SRGAP2: variants seen among roughly 807,000 people sequenced by gnomAD.
SRGAP2 encodes SLIT-ROBO Rho GTPase-activating protein 2.
A neutral mutation model predicts 57.2 loss-of-function variants in SRGAP2; 15 were observed. That is an observed-to-expected ratio of 0.26 (90% CI 0.18 to 0.40). The LOEUF is 0.40. Among genes scored for constraint, SRGAP2 ranks in the 10% least tolerant of loss-of-function variants. The pLI, the probability that SRGAP2 is intolerant of heterozygous loss-of-function variation, is 1.00. For missense variants in SRGAP2, 520 were observed against 669.6 expected, an observed-to-expected ratio of 0.78 and a Z score of 2.47; for synonymous variants, 249 against 248.0, an observed-to-expected ratio of 1.00 and a Z score of -0.04.
intron 4 of SRGAP2, among the ~76,000 whole-genome samples, chr1:206,366,459 C>T (rs1553341663): frequency 6.6e-6 from 1 of 151,966 alleles, no homozygotes; most frequent in African/African-American, 2.4e-5. Context: ...TGACCTGCAG[C>T]TCCACACATG....
intron 4 of SRGAP2, among the ~76,000 whole-genome samples, chr1:206,373,745 G>C (rs1553343200): frequency 1.0e-5 from 1 of 96,246 alleles, no homozygotes; most frequent in African/African-American, 4.2e-5. Flanking sequence ...AAAAAGAAGA[G>C]AGAGAGACAT....
chr1:206,226,758 G>T (rs537534208), intron 2 of SRGAP2, among the ~76,000 whole-genome samples: 67 of 152,290 alleles, frequency 4.4e-4, no homozygotes, highest in African/African-American at 1.5e-3. Flanking sequence ...AAGTATGTTT[G>T]TTAAAGTGAA....
intron 3 of SRGAP2, among the ~76,000 whole-genome samples, chr1:206,318,508 T>A (rs1461544025): frequency 6.6e-6 from 1 of 152,280 alleles, no homozygotes; most frequent in African/African-American, 2.4e-5. Context: ...CCTAGATACA[T>A]GTGCATACAA....
At chr1:206,249,594 G>A in intron 2 of SRGAP2, among the ~76,000 whole-genome samples, 1 of 148,142 alleles carries the variant, frequency 6.8e-6, no homozygotes, top group South Asian at 2.3e-4. Context: ...GGCCTGTCGG[G>A]GGGTGAGAGG....
chr1:206,207,622 C>T (rs1449631442), intron 2 of SRGAP2: 6 of 136,214 alleles, frequency 4.4e-5, no homozygotes, highest in African/African-American at 1.8e-4. Context: ...CCAGATATGT[C>T]TTTTTTTTTT....
Position 206,461,077 on chromosome 1 carries a change from G to A in SRGAP2, c.2873G>A (p.Arg958Gln), listed in dbSNP as rs781874765. ...ATGAACTCGGCCCTGAATGAGCTAC[G>A]GGAACTAGAACGGCAGAGCAGTGTC... The part of the protein sequence containing the change: ...ATMNSALNEL[R>Q]ELERQSSVKH... The change falls in exon 23 of 23, where the codon CGG becomes CAG. Residue 958 changes from arginine (R) to glutamine (Q), a missense_variant. Around this residue, in one of 5 missense-constraint regions of SRGAP2, gnomAD observed 478 missense variants for 373.6 expected, o/e 1.28. Transcript: ENST00000573034. The A allele has an allele frequency of 8.1e-6, 6 of 742,184 alleles. No homozygotes were observed. Among genetic ancestry groups the A allele is most frequent in the African/African-American group, 5.2e-5 (3 of 57,804 alleles). 46.0% of individuals were successfully genotyped at this position (742,184 alleles called of 1,614,324 possible). A position where few individuals can be genotyped will look rare whatever the true frequency, so the allele number is the denominator to read the frequency against.
At chr1:206,303,613 C>T (rs1571798585) in intron 3 of SRGAP2, 140 bp downstream of exon 3, 5 of 643,342 alleles carry the variant, frequency 7.8e-6, no homozygotes, top group South Asian at 2.4e-5. Context: ...AAGGACTTCT[C>T]GTTTTCCAGA....
At chr1:206,449,094 G>C (rs1245165597) in intron 18 of SRGAP2, among the ~76,000 whole-genome samples, 1 of 152,126 alleles carries the variant, frequency 6.6e-6, no homozygotes, top group Admixed American at 6.6e-5. Flanking sequence ...CAACTGCCTG[G>C]AAAGCCTCAC....
Position 206,438,056 on chromosome 1 carries a change from C to T in SRGAP2, c.1726C>T (p.Leu576Phe), listed in dbSNP as rs782064175. Residue 576 changes from leucine to phenylalanine, a missense_variant, in exon 16 of 23, where the codon CTC (leucine) becomes TTC (phenylalanine). Coordinates refer to ENST00000573034, the MANE Select transcript of SRGAP2 (RefSeq NM_015326.5). ...TTACTTCCGGGGGCTGGAACACCCT[C>T]TCTTCCCCAAGGACATCTTTCATGA... ...KLYFRGLEHP[L>F]FPKDIFHDLM... 1.3e-6 allele frequency: 1 copy of T among 780,902 alleles called. No individual in the cohort carries two copies. Among genetic ancestry groups the T allele is most frequent in the South Asian group, 1.3e-5 (1 of 74,620 alleles). The allele number at this position is 780,902 out of a possible 1,614,324, so 48.4% of individuals were successfully genotyped here.
intron 8 of SRGAP2, among the ~76,000 whole-genome samples, chr1:206,401,870 A>G (rs1553355880): frequency 6.6e-6 from 1 of 152,164 alleles, no homozygotes; most frequent in Non-Finnish European, 1.5e-5. Flanking sequence ...CAGGGAGCTT[A>G]CAGTCTGGGG....
intron 2 of SRGAP2, among the ~76,000 whole-genome samples, chr1:206,272,739 A>G (rs1670195078): frequency 6.6e-6 from 1 of 152,174 alleles, no homozygotes. Flanking sequence ...AAGTGTGCAC[A>G]TTAATGCATA....
intron 4 of SRGAP2, among the ~76,000 whole-genome samples, chr1:206,345,627 AAAAAAATTTTAAAAGTTAGC>A (rs1675561161): frequency 6.9e-6 from 1 of 145,126 alleles, no homozygotes; most frequent in Non-Finnish European, 1.5e-5. Context: ...CCTTGTCTCT[AAAAAAATTTTAAAAGTTAGC>A]TGAGCATGGT....
At chr1:206,324,702 G>C (rs1553329180) in intron 3 of SRGAP2, among the ~76,000 whole-genome samples, 1 of 152,148 alleles carries the variant, frequency 6.6e-6, no homozygotes, top group Non-Finnish European at 1.5e-5. Context: ...CCTCATTCTG[G>C]GAATATGCCA....
intron 3 of SRGAP2, among the ~76,000 whole-genome samples, chr1:206,318,916 G>T (rs1375755224): frequency 1.3e-5 from 2 of 151,966 alleles, no homozygotes; most frequent in African/African-American, 2.4e-5. Flanking sequence ...TGAGATTTGG[G>T]GGGGGACAGA....
At chr1:206,322,485 CAGG>C (rs2102836957) in intron 3 of SRGAP2, among the ~76,000 whole-genome samples, 1 of 150,356 alleles carries the variant, frequency 6.7e-6, no homozygotes, top group African/African-American at 2.4e-5. Context: ...GAGGCTGAGG[CAGG>C]AGAATGGGGT....
intron 12 of SRGAP2, among the ~76,000 whole-genome samples, chr1:206,420,022 T>C (rs1393136666): frequency 6.6e-6 from 1 of 152,232 alleles, no homozygotes; most frequent in East Asian, 1.9e-4. Flanking sequence ...ATGGTGCTGC[T>C]ATGAGAAAAT....
chr1:206,326,847 A>G (rs1553330145), intron 3 of SRGAP2, among the ~76,000 whole-genome samples: 2 of 152,238 alleles, frequency 1.3e-5, no homozygotes, highest in Non-Finnish European at 2.9e-5. Context: ...CCAGAGAATC[A>G]GATGATAAAT....
intron 12 of SRGAP2, among the ~76,000 whole-genome samples, chr1:206,420,448 T>C (rs1660194409): frequency 6.6e-6 from 1 of 152,168 alleles, no homozygotes; most frequent in Admixed American, 6.5e-5. Flanking sequence ...TTCCCGGTGC[T>C]GAGTTATTTT....
At chr1:206,446,886 G>A (rs1304527461) in intron 18 of SRGAP2, among the ~76,000 whole-genome samples, 1 of 152,128 alleles carries the variant, frequency 6.6e-6, no homozygotes, top group Admixed American at 6.5e-5. Context: ...ACCTAGCTTC[G>A]GAACAGAGAT....
Sources: gnomAD v4.1 joint callset for allele counts (sites outside exome capture counted in the v4.1 genomes callset) on GRCh38, gnomAD v4.1.1 for gene constraint, gnomAD v4.1.1 regional missense constraint, MANE v1.5 for transcripts, NCBI Gene and HGNC (gene_info 2026-07-23, HGNC 2026-07-21) for gene names.